The following PATJ variants were observed in gnomAD, a reference collection of about 807,000 sequenced individuals.
The protein encoded by PATJ is PATJ crumbs cell polarity complex component, also known as inaD-like protein.
In PATJ, 190 loss-of-function variants were observed where a neutral mutation model predicts 224.9. The observed-to-expected ratio is 0.84, with a 90% CI of 0.75 to 0.95. PATJ has a LOEUF of 0.95. Ranked by LOEUF, PATJ falls within the 40% of genes least tolerant of loss-of-function variation. The pLI is 0.00. For synonymous variants in PATJ, 769 were observed against 820.3 expected, an observed-to-expected ratio of 0.94 and a Z score of 1.07; for missense variants, 2,121 against 2,270.3, an observed-to-expected ratio of 0.93 and a Z score of 1.34.
chr1:61,771,335 A>G (rs1167294872), intron 5 of PATJ, 96 bp from the exon 6 acceptor site: 1 of 626,310 alleles, frequency 1.6e-6, no homozygotes, highest in East Asian at 3.0e-5. Context: ...TACTAAGTAA[A>G]GTAGTACCAT....
intron 31 of PATJ, among the ~76,000 whole-genome samples, chr1:62,075,065 G>T (rs996275446): frequency 6.6e-6 from 1 of 152,162 alleles, no homozygotes; most frequent in Non-Finnish European, 1.5e-5. Flanking sequence ...GAGCTAGGGC[G>T]AATCCTAAAT....
intron 33 of PATJ, among the ~76,000 whole-genome samples, chr1:62,104,315 T>C (rs564195397): frequency 6.6e-6 from 1 of 152,296 alleles, no homozygotes; most frequent in South Asian, 2.1e-4. Flanking sequence ...TTCCATCTAT[T>C]CACAAAGTAG....
intron 27 of PATJ, among the ~76,000 whole-genome samples, chr1:61,954,153 T>C (rs1263223379): frequency 2.6e-5 from 4 of 152,226 alleles, no homozygotes; most frequent in Non-Finnish European, 5.9e-5. Context: ...ATTTTCAACA[T>C]TTATTAAAAG....
intron 19 of PATJ, among the ~76,000 whole-genome samples, chr1:61,863,800 T>C (rs1179277011): frequency 1.3e-5 from 2 of 152,196 alleles, no homozygotes. Flanking sequence ...ATTCAGATAG[T>C]TATAATTTCT....
chr1:61,760,373 A>G lies in PATJ; in HGVS notation c.-35-2485A>G, dbSNP rs141353829. Among the ~76,000 whole-genome samples the G allele has an allele frequency of 3.3e-4, 50 of 152,312 alleles. No homozygotes were observed. The East Asian group carries it at 9.1e-3, about 28-fold the overall frequency. On this transcript the variant is annotated intron_variant, in intron 1 of 43. Transcript: ENST00000642238. ...TCATTCAGCCACCATATCCAGGTTG[A>G]TGTAAGAAAATTTTGATTGTATAAT...
At chr1:61,815,563 A>G (rs188639791) in intron 14 of PATJ, among the ~76,000 whole-genome samples, 107 of 152,286 alleles carry the variant, frequency 7.0e-4, no homozygotes, top group Non-Finnish European at 1.2e-3. Flanking sequence ...TTCCAGAAGC[A>G]TCTACATGAC....
intron 9 of PATJ, among the ~76,000 whole-genome samples, chr1:61,792,193 G>A (rs1312995698): frequency 6.6e-6 from 1 of 152,116 alleles, no homozygotes; most frequent in Non-Finnish European, 1.5e-5. Context: ...TGTATTCAAA[G>A]TCCTGAATGA....
chr1:62,125,261 A>AAAAAAAAAAAAAAAAAAAAAAAAAAG lies in PATJ; in HGVS notation c.5043+2205_5043+2206insAAAAAAAAAAAAAAAAAAAAAAAGAA, dbSNP rs1665590569. ...CAAAAAAAAAAAAAAAAACAAAAAA[A>AAAAAAAAAAAAAAAAAAAAAAAAAAG]AACAAAAAAAAAACGCCATTAGCTC... On this transcript the variant is annotated intron_variant, in intron 39 of 43. Coordinates refer to ENST00000642238, the MANE Select transcript of PATJ (RefSeq NM_001350145.3). 1.8e-5 allele frequency among the ~76,000 whole-genome samples: 2 copies of AAAAAAAAAAAAAAAAAAAAAAAAAAG among 110,782 alleles called. 1 individual carries two copies. The highest frequency in any genetic ancestry group is 7.6e-5 in the African/African-American group (2 of 26,208). 72.7% of individuals were successfully genotyped at this position (110,782 alleles called of 152,430 possible).
At chr1:62,079,398 C>G in intron 31 of PATJ, 52 bp from the exon 32 acceptor site, 3 of 1,075,406 alleles carry the variant, frequency 2.8e-6, no homozygotes, top group Admixed American at 3.5e-5. Flanking sequence ...AAAGTATTTT[C>G]TTGTTACCTT....
At chr1:62,140,390 C>G (rs959495275) in intron 41 of PATJ, among the ~76,000 whole-genome samples, 1 of 152,152 alleles carries the variant, frequency 6.6e-6, no homozygotes, top group East Asian at 1.9e-4. Flanking sequence ...TGGTGGCTCA[C>G]GCCAGTAATC....
At position 62,161,695 on chromosome 1, in the gene PATJ, C is replaced by A. The variant is rs1669853812; in HGVS notation, c.*641C>A. On this transcript the variant is annotated 3_prime_UTR_variant, in exon 44 of 44. Transcript: ENST00000642238. ...TTATATTTACCAAAACTGGAGTTAACTTCTCTTTCCTTATACTCTTCTCTC... is the reference window on the plus strand; with the variant it reads ...TTATATTTACCAAAACTGGAGTTAAATTCTCTTTCCTTATACTCTTCTCTC... 1 of 152,196 alleles carries A rather than the reference C, an allele frequency of 6.6e-6. No individual in the cohort carries two copies. The highest frequency in any genetic ancestry group is 6.5e-5 in the Admixed American group (1 of 15,268). 9.4% of individuals were successfully genotyped at this position (152,196 alleles called of 1,614,324 possible).
At chr1:61,992,180 C>T (rs1165643123) in intron 28 of PATJ, among the ~76,000 whole-genome samples, 3 of 150,154 alleles carry the variant, frequency 2.0e-5, no homozygotes, top group African/African-American at 4.9e-5. Flanking sequence ...TGCAATAGCA[C>T]GATCTCGGTT....
chr1:62,148,183 T>G, intron 41 of PATJ, 101 bp from the exon 42 acceptor site: 1 of 708,368 alleles, frequency 1.4e-6, no homozygotes, highest in Non-Finnish European at 2.5e-6. Flanking sequence ...CTAGATAAAT[T>G]GAATAAGATT....
chr1:62,029,087 C>T (rs891683117), intron 29 of PATJ, among the ~76,000 whole-genome samples: 13 of 152,072 alleles, frequency 8.5e-5, no homozygotes, highest in African/African-American at 2.4e-4. Flanking sequence ...TTTTGATTAC[C>T]GTAGCTTTGC....
intron 17 of PATJ, among the ~76,000 whole-genome samples, chr1:61,850,297 T>C (rs1470824096): frequency 1.3e-5 from 2 of 152,220 alleles, no homozygotes; most frequent in Non-Finnish European, 2.9e-5. Context: ...ATACATTTTA[T>C]AGACACATCA....
chr1:61,992,117 CT>C (rs138874624), intron 28 of PATJ, among the ~76,000 whole-genome samples: 3,846 of 136,194 alleles, frequency 0.028, 93 homozygotes, highest in African/African-American at 0.068. Context: ...CTGTGGGATT[CT>C]TTTTTTTTTT....
intron 41 of PATJ, among the ~76,000 whole-genome samples, chr1:62,136,653 GTGTGTGTGTGTC>G (rs780723389): frequency 0.092 from 4,903 of 53,250 alleles, 121 homozygotes; most frequent in East Asian, 0.23. Flanking sequence ...TTTTGCGTGT[GTGTGTGTGTGTC>G]TGTGTGTGTG....
chr1:61,969,387 AT>A (rs1682623142), intron 27 of PATJ, among the ~76,000 whole-genome samples: 1 of 152,040 alleles, frequency 6.6e-6, no homozygotes, highest in African/African-American at 2.4e-5. Context: ...GTCTACACTT[AT>A]TATTTGCTGG....
chr1:61,762,193 G>A (rs1052787107), intron 1 of PATJ, among the ~76,000 whole-genome samples: 1 of 152,102 alleles, frequency 6.6e-6, no homozygotes, highest in Middle Eastern at 3.2e-3. Flanking sequence ...AGTTCCCTAT[G>A]ACCCTGCCCC....
Sources: allele counts gnomAD v4.1 joint callset (sites outside exome capture counted in the v4.1 genomes callset), GRCh38; gene constraint gnomAD v4.1.1; transcripts MANE v1.5; gene names NCBI Gene and HGNC (gene_info 2026-07-23, HGNC 2026-07-21).